ELOB: variants seen among roughly 807,000 people sequenced by gnomAD.
ELOB encodes the protein elongin B.
Under a neutral mutation model 12.9 loss-of-function variants are expected in ELOB, and 3 were observed. That is an observed-to-expected ratio of 0.23 (90% CI 0.11 to 0.60). The LOEUF (loss-of-function observed/expected upper bound fraction) is 0.60, where lower values mean the gene tolerates loss of function less well. Among genes scored for constraint, ELOB ranks in the 20% least tolerant of loss-of-function variants. ELOB has a pLI of 0.89. For missense variants in ELOB, 126 were observed against 159.2 expected (o/e 0.79, Z 1.12); for synonymous variants, 84 against 67.4 (o/e 1.25, Z -1.21).
chr16:2,775,161 A>T (rs2068791516), intron 3 of ELOB, among the ~76,000 whole-genome samples: 1 of 151,550 alleles, frequency 6.6e-6, no homozygotes, highest in African/African-American at 2.4e-5. Flanking sequence ...AGCCACACAC[A>T]GAGTAACATG....
rs1218673407 is a variant in ELOB, at chr16:2,777,245, C to T, written c.-6G>A. Reference sequence around the variant, plus strand: ...CCCCCACGCCCGCTCACCATCGCGGCTGCTGCCTCTCCCCTCGACGCGCCG... The same window carrying T: ...CCCCCACGCCCGCTCACCATCGCGGTTGCTGCCTCTCCCCTCGACGCGCCG... On this transcript the variant is annotated 5_prime_UTR_variant, in exon 1 of 4. Transcript: ENST00000409906. The T allele has an allele frequency of 2.9e-6, 3 of 1,024,102 alleles. No individual in the cohort carries two copies. The highest frequency in any genetic ancestry group is 1.7e-5 in the African/African-American group (1 of 57,434). 63.4% of individuals were successfully genotyped at this position (1,024,102 alleles called of 1,614,324 possible).
At position 2,771,881 on chromosome 16, in the gene ELOB, G is replaced by C; in HGVS notation, c.*109C>G. On this transcript the variant is annotated 3_prime_UTR_variant, in exon 4 of 4. Transcript: ENST00000409906. ...AACTGCCAAGCACAAGCCCCAAAAG[G>C]AGCCCACAGGGAGTGGGACCCATCC... The C allele has an allele frequency of 6.8e-7, 1 of 1,475,848 alleles. No individual in the cohort carries two copies. The highest frequency in any genetic ancestry group is 9.0e-7 in the Non-Finnish European group (1 of 1,111,826). 91.4% of individuals were successfully genotyped at this position (1,475,848 alleles called of 1,614,324 possible).
At chr16:2,774,288 C>T (rs866067583) in intron 3 of ELOB, among the ~76,000 whole-genome samples, 2 of 152,344 alleles carry the variant, frequency 1.3e-5, no homozygotes, top group Middle Eastern at 3.4e-3. Flanking sequence ...TCTATGCCAG[C>T]CCTGCACCTG....
chr16:2,772,244 G>T, intron 3 of ELOB, 142 bp from the exon 4 acceptor site: 1 of 1,011,148 alleles, frequency 9.9e-7, no homozygotes, highest in Non-Finnish European at 1.4e-6. Flanking sequence ...CCACAGCGCT[G>T]ACCTCCCTGT....
intron 3 of ELOB, among the ~76,000 whole-genome samples, chr16:2,773,208 G>T (rs888921909): frequency 5.3e-5 from 8 of 151,956 alleles, no homozygotes; most frequent in African/African-American, 1.9e-4. Context: ...GGCATCCCAG[G>T]GAAAGCTGGA....
rs2068776050 is a variant in ELOB at position 2,773,030 on chromosome 16, AC to A, written c.245-929del. ...TGACACTCTGGGCGTAGGGGCACTTACCACTGGACAAACTGCCCTTTTGACT... is the reference window on the plus strand; with the variant it reads ...TGACACTCTGGGCGTAGGGGCACTTACACTGGACAAACTGCCCTTTTGACT... On this transcript the variant is annotated intron_variant, in intron 3 of 3. Transcript: ENST00000409906. 3.9e-5 allele frequency among the ~76,000 whole-genome samples: 6 copies of A among 152,166 alleles called. No homozygotes were observed. In the South Asian group the frequency reaches 1.2e-3, roughly 32 times the overall value.
intron 3 of ELOB, among the ~76,000 whole-genome samples, chr16:2,772,704 C>CAA (rs545817204): frequency 7.0e-6 from 1 of 141,956 alleles, no homozygotes; most frequent in East Asian, 2.0e-4. Flanking sequence ...GACTCCATCT[C>CAA]AAAAAAAAAA....
intron 3 of ELOB, among the ~76,000 whole-genome samples, chr16:2,773,954 G>A (rs1315707904): frequency 1.3e-5 from 2 of 152,226 alleles, no homozygotes; most frequent in East Asian, 3.8e-4. Context: ...CCTGGGCCAG[G>A]CACCGAGGCT....
intron 3 of ELOB, among the ~76,000 whole-genome samples, chr16:2,772,732 T>A (rs938351090): frequency 6.6e-6 from 1 of 151,542 alleles, no homozygotes; most frequent in African/African-American, 2.4e-5. Flanking sequence ...CTAGACTATC[T>A]AGACTATTCC....
Position 2,775,548 on chromosome 16 carries a change from T to C in ELOB, c.147A>G (p.Gln49=). 2 of 1,608,088 alleles carry C rather than the reference T, an allele frequency of 1.2e-6. No homozygotes were observed. The highest frequency in any genetic ancestry group is 1.7e-6 in the Non-Finnish European group (2 of 1,179,642). ...CCAGTGTCTTGCCATCATCCAAGAG[T>C]TGGTCATCCTGAGGAGAGAAGCAGG... ...PDEQRLYKDD[Q]LLDDGKTLGE... is the part of the protein sequence containing the mutation. Residue 49 remains glutamine, a synonymous_variant, in exon 3 of 4, where the codon CAA becomes CAG. Transcript: ENST00000409906.
At position 2,771,900 on chromosome 16, in the gene ELOB, C is replaced by A; in HGVS notation, c.*90G>T. ...CAAAAGGAGCCCACAGGGAGTGGGA[C>A]CCATCCCAGGGAGGGGCGGGAAAAA... On this transcript the variant is annotated 3_prime_UTR_variant, in exon 4 of 4. Transcript: ENST00000409906. The A allele has an allele frequency of 6.6e-7, 1 of 1,514,446 alleles. No individual in the cohort carries two copies. Among genetic ancestry groups the A allele is most frequent in the Admixed American group, 2.1e-5 (1 of 47,630 alleles). The allele number at this position is 1,514,446 out of a possible 1,614,324, so 93.8% of individuals were successfully genotyped here.
At chr16:2,773,219 A>G (rs1174512988) in intron 3 of ELOB, among the ~76,000 whole-genome samples, 2 of 151,944 alleles carry the variant, frequency 1.3e-5, no homozygotes, top group Non-Finnish European at 2.9e-5. Flanking sequence ...GAAAGCTGGA[A>G]TGCCTGATCA....
chr16:2,775,685 C>A (rs994091041), intron 2 of ELOB, 129 bp from the exon 3 acceptor site: 1 of 609,964 alleles, frequency 1.6e-6, no homozygotes. Flanking sequence ...AGGACCACCA[C>A]GCTGCTTGAC....
Position 2,777,276 on chromosome 16 carries a change from G to C in ELOB, c.-37C>G, listed in dbSNP as rs531235164. On this transcript the variant is annotated 5_prime_UTR_variant, in exon 1 of 4. Coordinates refer to ENST00000409906, the MANE Select transcript of ELOB (RefSeq NM_007108.4). ...CCTCTCCCCTCGACGCGCCGGCGCA[G>C]CCGCGCTCCGCCCCGTTCCCGGCAG... 2.4e-4 allele frequency: 245 copies of C among 1,013,840 alleles called. 1 individual carries two copies. In the Middle Eastern group the frequency reaches 2.9e-3, roughly 12 times the overall value. 62.8% of individuals were successfully genotyped at this position (1,013,840 alleles called of 1,614,324 possible). A position where few individuals can be genotyped will look rare whatever the true frequency, so the allele number is the denominator to read the frequency against.
In ELOB at chr16:2,771,860, G is replaced by A. The variant is rs146090677; in HGVS notation, c.*130C>T. ...TGGGAGACAGGACAGCACAGGAACT[G>A]CCAAGCACAAGCCCCAAAAGGAGCC... is the stretch of plus-strand genomic sequence containing the variant. On this transcript the variant is annotated 3_prime_UTR_variant, in exon 4 of 4. Transcript: ENST00000409906. 10 of 1,463,338 alleles carry A rather than the reference G, an allele frequency of 6.8e-6. No homozygotes were observed. In the African/African-American group the frequency reaches 1.4e-4, roughly 21 times the overall value. 90.6% of individuals were successfully genotyped at this position (1,463,338 alleles called of 1,614,324 possible). A position where few individuals can be genotyped will look rare whatever the true frequency, so the allele number is the denominator to read the frequency against.
At chr16:2,776,097 C>G (rs187407619) in intron 2 of ELOB, among the ~76,000 whole-genome samples, 2 of 152,302 alleles carry the variant, frequency 1.3e-5, no homozygotes, top group East Asian at 1.9e-4. Context: ...CATCTGTAAA[C>G]TAGGAATTAC....
rs1454375171 is a variant in ELOB at position 2,777,026 on chromosome 16, G to A, written c.105C>T (p.Leu35=). The change falls in exon 2 of 4, where the codon CTC becomes CTT. Residue 35 remains leucine, a synonymous_variant. Transcript: ENST00000409906. ...FELKRIVEGI[L]KRPPDEQRLY... ...GCCGCTGCTCGTCAGGAGGCCGCTTGAGGATGCCCTCGACGATGCGCTTCA... is the reference window on the plus strand; with the variant it reads ...GCCGCTGCTCGTCAGGAGGCCGCTTAAGGATGCCCTCGACGATGCGCTTCA... The A allele has an allele frequency of 1.2e-6, 2 of 1,603,720 alleles. No homozygotes were observed. The highest frequency in any genetic ancestry group is 8.5e-7 in the Non-Finnish European group (1 of 1,176,698).
At chr16:2,773,906 T>C (rs562584324) in intron 3 of ELOB, among the ~76,000 whole-genome samples, 61 of 152,334 alleles carry the variant, frequency 4.0e-4, no homozygotes, top group Admixed American at 1.5e-3. Context: ...AGACCAGATA[T>C]GCTCTTGGCA....
chr16:2,771,840 G>C lies in ELOB; in HGVS notation c.*150C>G. 2 of 1,455,082 alleles carry C rather than the reference G, an allele frequency of 1.4e-6. No homozygotes were observed. Among genetic ancestry groups the C allele is most frequent in the Non-Finnish European group, 1.8e-6 (2 of 1,106,422 alleles). The allele number at this position is 1,455,082 out of a possible 1,614,324, so 90.1% of individuals were successfully genotyped here. On this transcript the variant is annotated 3_prime_UTR_variant, in exon 4 of 4. Coordinates refer to ENST00000409906, the MANE Select transcript of ELOB (RefSeq NM_007108.4). The stretch of plus-strand genomic sequence containing the variant: ...TCAGCCAGGGTCTCAGGATCTGGGA[G>C]ACAGGACAGCACAGGAACTGCCAAG...
Sources: allele counts gnomAD v4.1 joint callset (sites outside exome capture counted in the v4.1 genomes callset), GRCh38; gene constraint gnomAD v4.1.1; transcripts MANE v1.5; gene names NCBI Gene and HGNC (gene_info 2026-07-23, HGNC 2026-07-21).